MXRA7: variants seen among roughly 807,000 people sequenced by gnomAD.
The protein encoded by MXRA7 is matrix-remodeling-associated protein 7.
In MXRA7, 18 loss-of-function variants were observed where a neutral mutation model predicts 17.4. That is an observed-to-expected ratio of 1.03 (90% CI 0.71 to 1.53). The LOEUF is 1.53. Ranked by LOEUF, MXRA7 falls within the 40% of genes most tolerant of loss-of-function variation. The probability of loss-of-function intolerance (pLI) is 0.00; values close to 1 mark genes in which losing one functional copy is unlikely to be tolerated. For synonymous variants in MXRA7, 70 were observed against 101.7 expected, an observed-to-expected ratio of 0.69 and a Z score of 1.87; for missense variants, 141 against 209.3, an observed-to-expected ratio of 0.67 and a Z score of 2.01.
At chr17:76,702,873 GTA>G (rs776480689) in intron 1 of MXRA7, among the ~76,000 whole-genome samples, 25 of 141,752 alleles carry the variant, frequency 1.8e-4, no homozygotes, top group Admixed American at 2.1e-4. Flanking sequence ...ATATATATAC[GTA>G]TATATATATA....
exon 4 of MXRA7, chr17:76,672,631 G>C (rs1024469548): frequency 6.6e-6 from 1 of 152,236 alleles, no homozygotes; most frequent in Non-Finnish European, 1.5e-5. Context: ...AGATGTCCAT[G>C]AGAGGGGGAG....
chr17:76,708,856 G>C (rs937907453), intron 1 of MXRA7, among the ~76,000 whole-genome samples: 1 of 152,088 alleles, frequency 6.6e-6, no homozygotes, highest in African/African-American at 2.4e-5. Flanking sequence ...GTGCCTTAGC[G>C]GGAGGACAGA....
At chr17:76,706,080 ACTGCCATCACAAAGGCCCACG>A (rs1567990547) in intron 1 of MXRA7, among the ~76,000 whole-genome samples, 3 of 148,978 alleles carry the variant, frequency 2.0e-5, no homozygotes, top group African/African-American at 2.5e-5. Flanking sequence ...AGAGGACCAC[ACTGCCATCACAAAGGCCCACG>A]CTGCCATCAC....
At chr17:76,709,209 G>A (rs1453365013) in intron 1 of MXRA7, among the ~76,000 whole-genome samples, 1 of 152,210 alleles carries the variant, frequency 6.6e-6, no homozygotes, top group Non-Finnish European at 1.5e-5. Context: ...CTGACTGAGT[G>A]TGCATGACGG....
chr17:76,682,126 C>T (rs181351491), intron 3 of MXRA7, among the ~76,000 whole-genome samples: 8 of 152,298 alleles, frequency 5.3e-5, no homozygotes, highest in Admixed American at 1.3e-4. Flanking sequence ...TTCAGCATGT[C>T]GGGGAACTAA....
chr17:76,708,760 C>T (rs1160090682), intron 1 of MXRA7, among the ~76,000 whole-genome samples: 1 of 152,142 alleles, frequency 6.6e-6, no homozygotes, highest in African/African-American at 2.4e-5. Flanking sequence ...CTTTGGCCAG[C>T]TCAGGAAGGC....
At chr17:76,695,968 G>C (rs950430323) in intron 1 of MXRA7, among the ~76,000 whole-genome samples, 1 of 152,046 alleles carries the variant, frequency 6.6e-6, no homozygotes. Flanking sequence ...GGTGGCGGGT[G>C]CCTGTAATCC....
intron 2 of MXRA7, among the ~76,000 whole-genome samples, chr17:76,685,818 G>A (rs1191883634): frequency 6.6e-6 from 1 of 152,236 alleles, no homozygotes; most frequent in Non-Finnish European, 1.5e-5. Context: ...GTGGCCTGGA[G>A]TGGACACAGG....
intron 1 of MXRA7, among the ~76,000 whole-genome samples, chr17:76,708,325 G>A (rs2076683947): frequency 1.3e-5 from 2 of 152,214 alleles, no homozygotes; most frequent in African/African-American, 4.8e-5. Flanking sequence ...GGAGAGGTGA[G>A]TTACACGCTG....
intron 3 of MXRA7, chr17:76,683,968 A>G: frequency 6.7e-7 from 1 of 1,496,610 alleles, no homozygotes; most frequent in Non-Finnish European, 9.3e-7. Context: ...GCCAAGCGGC[A>G]GCATCCTCAG....
exon 4 of MXRA7, chr17:76,672,906 A>C (rs2076213016): frequency 1.3e-5 from 2 of 152,182 alleles, no homozygotes; most frequent in Non-Finnish European, 2.9e-5. Flanking sequence ...AATAATAGTA[A>C]AAAGAATCTG....
At chr17:76,699,299 C>T (rs117468110) in intron 1 of MXRA7, among the ~76,000 whole-genome samples, 45 of 152,260 alleles carry the variant, frequency 3.0e-4, no homozygotes, top group African/African-American at 1.1e-3. Context: ...GAGTGTGCCA[C>T]AACACCCAGC....
chr17:76,683,935 A>G lies in MXRA7; in HGVS notation c.500+1137T>C, dbSNP rs187642578. On this transcript the variant is annotated intron_variant, in intron 3 of 3. Coordinates refer to ENST00000449428, the MANE Select transcript of MXRA7 (RefSeq NM_198530.4). ...TCAGAGGTCAGCTCAATCCTGAAAT[A>G]TAAATGCAGCAAACCTGGTCATGCC... 1.1e-5 allele frequency: 17 copies of G among 1,612,202 alleles called. No homozygotes were observed. In the East Asian group the frequency reaches 3.8e-4, roughly 36 times the overall value.
chr17:76,707,492 C>T (rs566823741), intron 1 of MXRA7, among the ~76,000 whole-genome samples: 3 of 151,966 alleles, frequency 2.0e-5, no homozygotes, highest in African/African-American at 7.2e-5. Flanking sequence ...TTAGTAGAGA[C>T]GGGGTTTCGC....
Position 76,707,291 on chromosome 17 carries a change from C to CTTTTTTTTTTTTT in MXRA7, c.342+3301_342+3313dup, listed in dbSNP as rs56067261. ...CACTGCCTTGCAGGAAGTCCCTACT[C>CTTTTTTTTTTTTT]TTTTTTTTTTTTTTTTTTTTTTTTT... On this transcript the variant is annotated intron_variant, in intron 1 of 3. Coordinates refer to ENST00000449428, the MANE Select transcript of MXRA7 (RefSeq NM_198530.4). 3.5e-4 allele frequency among the ~76,000 whole-genome samples: 34 copies of CTTTTTTTTTTTTT among 96,120 alleles called. 3 individuals carry two copies. Among genetic ancestry groups the CTTTTTTTTTTTTT allele is most frequent in the East Asian group, 7.5e-4 (2 of 2,656 alleles). The allele number at this position is 96,120 out of a possible 152,430, so 63.1% of individuals were successfully genotyped here.
intron 3 of MXRA7, chr17:76,684,575 C>T (rs1393669053): frequency 6.0e-6 from 2 of 334,922 alleles, no homozygotes; most frequent in African/African-American, 2.2e-5. Context: ...ATTCCAACAA[C>T]GAGAAGCCAT....
chr17:76,701,495 T>TAA (rs2076590902), intron 1 of MXRA7, among the ~76,000 whole-genome samples: 1 of 151,846 alleles, frequency 6.6e-6, no homozygotes, highest in African/African-American at 2.4e-5. Flanking sequence ...GAGCTGGGCG[T>TAA]ATAGATGTGG....
intron 1 of MXRA7, among the ~76,000 whole-genome samples, chr17:76,698,042 AAAG>A (rs1158460513): frequency 1.3e-5 from 2 of 152,162 alleles, no homozygotes; most frequent in African/African-American, 4.8e-5. Context: ...GGGGCAGTGC[AAAG>A]AAGGTCTCTT....
rs2076302414 is a variant in MXRA7, at chr17:76,681,466, A to C, written c.501-587T>G. ...CATTTCCAGCCTGAGCTGGAAATTC[A>C]CACTGGCAGGTCTATTGTCTGTAGT... is the stretch of plus-strand genomic sequence containing the variant. On this transcript the variant is annotated intron_variant, in intron 3 of 3. Coordinates refer to ENST00000449428, the MANE Select transcript of MXRA7 (RefSeq NM_198530.4). This position sits in a 1 kb window ranked among gnomAD's most constrained non-coding sequence, Gnocchi z 4.7. 6.6e-6 allele frequency among the ~76,000 whole-genome samples: 1 copy of C among 152,094 alleles called. No individual in the cohort carries two copies. The highest frequency in any genetic ancestry group is 1.5e-5 in the Non-Finnish European group (1 of 68,004).
Sources: gnomAD v4.1 joint callset for allele counts (sites outside exome capture counted in the v4.1 genomes callset) on GRCh38, gnomAD v4.1.1 for gene constraint, Gnocchi (gnomAD v3.1) non-coding constraint, MANE v1.5 for transcripts, NCBI Gene and HGNC (gene_info 2026-07-23, HGNC 2026-07-21) for gene names.